The following SLC6A17 variants were observed in gnomAD, a reference collection of about 807,000 sequenced individuals.
The protein encoded by SLC6A17 is sodium-dependent neutral amino acid transporter SLC6A17.
A neutral mutation model predicts 64.5 loss-of-function variants in SLC6A17; 21 were observed. The ratio of observed to expected loss-of-function variants is 0.33; its 90% CI spans 0.23 to 0.47. The LOEUF (loss-of-function observed/expected upper bound fraction) is 0.47. Among genes scored for constraint, SLC6A17 ranks in the 20% least tolerant of loss-of-function variants. SLC6A17 has a pLI of 1.00. For synonymous variants in SLC6A17, 372 were observed against 399.5 expected, an observed-to-expected ratio of 0.93 and a Z score of 0.82; for missense variants, 682 against 963.2, an observed-to-expected ratio of 0.71 and a Z score of 3.86.
rs1275184358 is a variant in SLC6A17 at position 110,192,948 on chromosome 1, G to A, written c.1299+250G>A. ...ACACCTCTCAGAAGTCACAGTAAGTGTATGGGACGATGTTTCCATTTACTG... is the reference window on the plus strand; with the variant it reads ...ACACCTCTCAGAAGTCACAGTAAGTATATGGGACGATGTTTCCATTTACTG... On this transcript the variant is annotated intron_variant, in intron 8 of 11. Transcript: ENST00000331565. The surrounding 1 kb of genome is among the most constrained non-coding windows in gnomAD (Gnocchi z 4.3). Among the ~76,000 whole-genome samples the A allele has an allele frequency of 6.6e-6, 1 of 152,208 alleles. No homozygotes were observed. Among genetic ancestry groups the A allele is most frequent in the Non-Finnish European group, 1.5e-5 (1 of 68,036 alleles).
At position 110,176,643 on chromosome 1, in the gene SLC6A17, C is replaced by T. The variant is rs1656382624; in HGVS notation, c.768C>T (p.Ser256=). ...IQSSGKVMYF[S]SLFPYVVLAC... ...CCTCTCTGCAGGTGATGTATTTCAG[C>T]TCCCTCTTCCCCTACGTGGTGCTGG... Residue 256 remains serine, a synonymous_variant, in exon 6 of 12, where the codon AGC becomes AGT. Transcript: ENST00000331565. The T allele has an allele frequency of 6.2e-7, 1 of 1,614,092 alleles. No individual in the cohort carries two copies. The highest frequency in any genetic ancestry group is 1.1e-5 in the South Asian group (1 of 91,084).
intron 1 of SLC6A17, among the ~76,000 whole-genome samples, chr1:110,151,305 G>T (rs1026755037): frequency 6.6e-6 from 1 of 152,142 alleles, no homozygotes; most frequent in Non-Finnish European, 1.5e-5. Context: ...CGCAGCTGGA[G>T]ACCCCAGCCC....
chr1:110,200,097 G>T lies in SLC6A17; in HGVS notation c.*1653G>T, dbSNP rs978478613. The stretch of plus-strand genomic sequence containing the variant: ...AACCCGGACACCCTCACGAAGGGTC[G>T]CAAGTCACTCTTGTGGCTCAGATTG... On this transcript the variant is annotated 3_prime_UTR_variant, in exon 12 of 12. Transcript: ENST00000331565. 1.2e-4 allele frequency: 46 copies of T among 398,328 alleles called. No homozygotes were observed. Among genetic ancestry groups the T allele is most frequent in the East Asian group, 1.1e-4 (3 of 28,072 alleles). The allele number at this position is 398,328 out of a possible 1,614,324, so 24.7% of individuals were successfully genotyped here.
rs769783827 is a variant in SLC6A17, at chr1:110,166,881, A to G, written c.-49A>G. 6 of 1,546,246 alleles carry G rather than the reference A, an allele frequency of 3.9e-6. No homozygotes were observed. The highest frequency in any genetic ancestry group is 2.3e-5 in the East Asian group (1 of 43,878). Reference sequence around the variant, plus strand: ...AAGGAGCTGACAGCAGCTGAATTCCATCTTCTCTGTGTGCTGGGGAGCAGG... The same window carrying G: ...AAGGAGCTGACAGCAGCTGAATTCCGTCTTCTCTGTGTGCTGGGGAGCAGG... On this transcript the variant is annotated 5_prime_UTR_variant, in exon 2 of 12. Transcript: ENST00000331565.
Position 110,184,051 on chromosome 1 carries a change from A to G in SLC6A17, c.864+7312A>G, listed in dbSNP as rs145228002. Among the ~76,000 whole-genome samples the G allele has an allele frequency of 2.8e-3, 421 of 152,278 alleles. 1 individual carries two copies. Among genetic ancestry groups the G allele is most frequent in the African/African-American group, 9.4e-3 (391 of 41,570 alleles). ...GATAGACAGTTTTTCACATTTGAAC[A>G]TCTCTGAAAGCACGCTGTTTCCGAC... On this transcript the variant is annotated intron_variant, in intron 6 of 11. Coordinates refer to ENST00000331565, the MANE Select transcript of SLC6A17 (RefSeq NM_001010898.4).
chr1:110,181,384 A>G (rs1656519100), intron 6 of SLC6A17, among the ~76,000 whole-genome samples: 3 of 152,356 alleles, frequency 2.0e-5, no homozygotes, highest in African/African-American at 7.2e-5. Context: ...CATTTGTTTT[A>G]GTGGAAAAAG....
chr1:110,156,241 A>G (rs1284599020), intron 1 of SLC6A17, among the ~76,000 whole-genome samples: 2 of 152,210 alleles, frequency 1.3e-5, no homozygotes, highest in Non-Finnish European at 2.9e-5. Context: ...TCAAGTGAGG[A>G]AGATCCTGCT....
At chr1:110,171,987 T>C (rs927717463) in intron 2 of SLC6A17, 73 bp from the exon 3 acceptor site, 8 of 1,557,348 alleles carry the variant, frequency 5.1e-6, no homozygotes, top group Non-Finnish European at 7.0e-6. Flanking sequence ...CTGGAAGACA[T>C]GGCTGCGGCC....
At chr1:110,176,603 A>T (rs995725645) in intron 5 of SLC6A17, 26 bp from the exon 6 acceptor site, 1 of 1,608,506 alleles carries the variant, frequency 6.2e-7, no homozygotes, top group African/African-American at 1.3e-5. Context: ...GCTCTGCCTG[A>T]TGGGGGTTCC....
At position 110,174,740 on chromosome 1, in the gene SLC6A17, C is replaced by T. The variant is rs747833914; in HGVS notation, c.572-39C>T. The T allele has an allele frequency of 1.1e-5, 17 of 1,602,388 alleles. No homozygotes were observed. The Admixed American group carries it at 2.2e-4, about 21-fold the overall frequency. ...CAGCAGAGGAAGTGACCCCATAGGC[C>T]CTGCCACTGAGGCCCTGTGACCTTT... On this transcript the variant is annotated intron_variant, in intron 4 of 11. Transcript: ENST00000331565.
rs1325036323 is a variant in SLC6A17, at chr1:110,192,478, A to C, written c.1107-28A>C. 3 of 1,595,738 alleles carry C rather than the reference A, an allele frequency of 1.9e-6. No individual in the cohort carries two copies. The highest frequency in any genetic ancestry group is 2.2e-5 in the East Asian group (1 of 44,802). On this transcript the variant is annotated intron_variant, in intron 7 of 11. Coordinates refer to ENST00000331565, the MANE Select transcript of SLC6A17 (RefSeq NM_001010898.4). The surrounding 1 kb of genome is among the most constrained non-coding windows in gnomAD (Gnocchi z 4.3). ...ACCCATTGCCCACCCCTGCCTTCTT[A>C]CCTGGTCCTCTCGGTTTTGTGCTGC...
chr1:110,168,750 G>C (rs1373494990), intron 2 of SLC6A17, among the ~76,000 whole-genome samples: 1 of 152,210 alleles, frequency 6.6e-6, no homozygotes, highest in African/African-American at 2.4e-5. Flanking sequence ...TAGATGATCA[G>C]TTCTGCCTGG....
Position 110,153,389 on chromosome 1 carries a change from G to A in SLC6A17, c.-88+2506G>A, listed in dbSNP as rs372255468. Among the ~76,000 whole-genome samples the A allele has an allele frequency of 2.8e-4, 42 of 152,202 alleles. No homozygotes were observed. In the East Asian group the frequency reaches 5.6e-3, roughly 20 times the overall value. ...GGACCCTGGGCCCCTAGTTTTCTCC[G>A]TCTATAAAATGTCCAGATTTGGTGC... On this transcript the variant is annotated intron_variant, in intron 1 of 11. Coordinates refer to ENST00000331565, the MANE Select transcript of SLC6A17 (RefSeq NM_001010898.4).
chr1:110,182,494 T>C (rs1433846426), intron 6 of SLC6A17, among the ~76,000 whole-genome samples: 3 of 151,844 alleles, frequency 2.0e-5, no homozygotes, highest in Non-Finnish European at 2.9e-5. Context: ...AGCCACAGAT[T>C]GGTTCACAAT....
At chr1:110,183,684 G>T (rs370157199) in intron 6 of SLC6A17, among the ~76,000 whole-genome samples, 9 of 152,338 alleles carry the variant, frequency 5.9e-5, no homozygotes, top group East Asian at 5.8e-4. Flanking sequence ...TGCTCAGCTG[G>T]AAGAGTTGGT....
chr1:110,195,357 G>A (rs1202086180), intron 9 of SLC6A17, among the ~76,000 whole-genome samples: 1 of 152,240 alleles, frequency 6.6e-6, no homozygotes, highest in Non-Finnish European at 1.5e-5. Flanking sequence ...GCAGAGGCAT[G>A]GGATGAAAGT....
chr1:110,172,781 C>G (rs146908418), intron 3 of SLC6A17, among the ~76,000 whole-genome samples: 22 of 152,276 alleles, frequency 1.4e-4, no homozygotes, highest in African/African-American at 5.1e-4. Context: ...ACGCCAGTGG[C>G]CCTGGATGGA....
chr1:110,188,415 A>T (rs1010882260), intron 6 of SLC6A17, among the ~76,000 whole-genome samples: 1 of 152,138 alleles, frequency 6.6e-6, no homozygotes, highest in Non-Finnish European at 1.5e-5. Flanking sequence ...CGCTGTGGCT[A>T]TTTTAAACCC....
intron 5 of SLC6A17, among the ~76,000 whole-genome samples, chr1:110,175,765 G>A (rs1656357793): frequency 6.6e-6 from 1 of 152,206 alleles, no homozygotes; most frequent in African/African-American, 2.4e-5. Context: ...AGTGACCCCA[G>A]CCATTGACCT....
Sources: gnomAD v4.1 joint callset for allele counts (sites outside exome capture counted in the v4.1 genomes callset) on GRCh38, gnomAD v4.1.1 for gene constraint, Gnocchi (gnomAD v3.1) non-coding constraint, MANE v1.5 for transcripts, NCBI Gene and HGNC (gene_info 2026-07-23, HGNC 2026-07-21) for gene names.